The following ZC3H11A variants were observed in gnomAD, a reference collection of about 807,000 sequenced individuals.
The protein encoded by ZC3H11A is zinc finger CCCH-type containing 11A.
In ZC3H11A, 22 loss-of-function variants were observed where a neutral mutation model predicts 90.8. The observed-to-expected ratio is 0.24, with a 90% confidence interval of 0.17 to 0.35. The LOEUF is 0.35. ZC3H11A is among the 10% of genes least tolerant of loss of function. ZC3H11A has a pLI of 1.00. For missense variants in ZC3H11A, 701 were observed against 964.9 expected, an observed-to-expected ratio of 0.73 and a Z score of 3.62; for synonymous variants, 294 against 339.8, an observed-to-expected ratio of 0.87 and a Z score of 1.48.
In ZC3H11A at chr1:203,840,420, G is replaced by A. The variant is rs373393210; in HGVS notation, c.1042+46G>A. 46 of 1,569,416 alleles carry A rather than the reference G, an allele frequency of 2.9e-5. No individual in the cohort carries two copies. In the East Asian group the frequency reaches 3.6e-4, roughly 12 times the overall value. ...GATTCTGATTATTTTTTTCTTTGCT[G>A]TAAGAGCCTTTGCTTTTTCTCAGAT... On this transcript the variant is annotated intron_variant, in intron 12 of 17. Coordinates refer to ENST00000367210, the MANE Select transcript of ZC3H11A (RefSeq NM_001376342.1).
chr1:203,852,658 A>G lies in ZC3H11A; in HGVS notation c.*259A>G. ...AGTTCTGTCATACCCTTCTCTCCAC[A>G]AAAAAGAGACTGAGAGGGAGATCAA... is the stretch of plus-strand genomic sequence containing the variant. On this transcript the variant is annotated 3_prime_UTR_variant, in exon 18 of 18. Transcript: ENST00000367210. 2.1e-6 allele frequency: 1 copy of G among 476,258 alleles called. No homozygotes were observed. The highest frequency in any genetic ancestry group is 3.8e-6 in the Non-Finnish European group (1 of 265,494). 29.5% of individuals were successfully genotyped at this position (476,258 alleles called of 1,614,324 possible).
At chr1:203,799,682 C>G (rs1331901716) in intron 1 of ZC3H11A, 3 of 708,860 alleles carry the variant, frequency 4.2e-6, no homozygotes, top group Non-Finnish European at 7.7e-6. Context: ...ATCATCTACT[C>G]CTTTCCCTGC....
intron 4 of ZC3H11A, among the ~76,000 whole-genome samples, chr1:203,826,488 C>T (rs931342207): frequency 6.6e-6 from 1 of 152,052 alleles, no homozygotes; most frequent in Non-Finnish European, 1.5e-5. Context: ...AATCACCTTT[C>T]AGAGATGTGG....
At chr1:203,849,655 C>T (rs1302264706) in intron 14 of ZC3H11A, 56 bp from the exon 15 acceptor site, 26 of 1,521,896 alleles carry the variant, frequency 1.7e-5, no homozygotes, top group Non-Finnish European at 1.8e-5. Context: ...GTACTTACAT[C>T]ATACAGGTTA....
chr1:203,797,713 G>A (rs1204766869), intron 1 of ZC3H11A: 1 of 1,534,924 alleles, frequency 6.5e-7, no homozygotes, highest in East Asian at 2.4e-5. Flanking sequence ...AAAAAGAAAA[G>A]AAAGAAGGGT....
intron 4 of ZC3H11A, among the ~76,000 whole-genome samples, chr1:203,826,495 G>A (rs187135789): frequency 6.6e-6 from 1 of 152,218 alleles, no homozygotes; most frequent in Non-Finnish European, 1.5e-5. Context: ...TTTCAGAGAT[G>A]TGGAGCAAAT....
In ZC3H11A at chr1:203,852,250, A is replaced by G. The variant is rs1179006041; in HGVS notation, c.2284A>G (p.Thr762Ala). 4 of 1,613,672 alleles carry G rather than the reference A, an allele frequency of 2.5e-6. No homozygotes were observed. The highest frequency in any genetic ancestry group is 1.7e-5 in the Admixed American group (1 of 59,984). Residue 762 changes from threonine to alanine, a missense_variant, in exon 18 of 18, where the codon ACA becomes GCA. By Grantham distance (58) the Thr-to-Ala change is moderately conservative. This residue lies in a region of ZC3H11A where 91 missense variants were observed against 86.8 expected (regional missense o/e 1.05). Coordinates refer to ENST00000367210, the MANE Select transcript of ZC3H11A (RefSeq NM_001376342.1). ...MKTRRLSSAS[T>A]GKPPLSVEDD... Reference sequence around the variant, plus strand: ...AACTCGCCGACTCAGCTCTGCCTCAACAGGAAAGCCCCCACTCTCTGTGGA... The same window carrying G: ...AACTCGCCGACTCAGCTCTGCCTCAGCAGGAAAGCCCCCACTCTCTGTGGA...
At chr1:203,806,073 C>G in intron 2 of ZC3H11A, 1 of 510,348 alleles carries the variant, frequency 2.0e-6, no homozygotes, top group Non-Finnish European at 3.8e-6. Flanking sequence ...TTAAAACTCG[C>G]AAGGCTTTCT....
chr1:203,819,058 A>G (rs1249139811), intron 4 of ZC3H11A, among the ~76,000 whole-genome samples: 1 of 133,218 alleles, frequency 7.5e-6, no homozygotes, highest in Non-Finnish European at 1.6e-5. Flanking sequence ...ACAGAGCAAC[A>G]CTCCGTCTCA....
Position 203,849,938 on chromosome 1 carries a change from C to A in ZC3H11A, c.1851C>A (p.Ser617=), listed in dbSNP as rs1386340445. The change falls in exon 15 of 18, where the codon TCC becomes TCA. Residue 617 remains serine (S), a synonymous_variant. Transcript: ENST00000367210. ...CCAAGCGGCTTCCCACAAAGTCATC[C>A]CAGAAGGTGGAGGTAGAAACCTCAG... is the stretch of plus-strand genomic sequence containing the variant. ...HLTKRLPTKS[S]QKVEVETSGI... is the part of the protein sequence containing the mutation. The A allele has an allele frequency of 6.2e-7, 1 of 1,613,992 alleles. No individual in the cohort carries two copies. The highest frequency in any genetic ancestry group is 1.1e-5 in the South Asian group (1 of 91,074).
At chr1:203,818,769 C>T in intron 4 of ZC3H11A, 80 bp downstream of exon 4, 1 of 1,599,556 alleles carries the variant, frequency 6.3e-7, no homozygotes, top group Non-Finnish European at 8.5e-7. Flanking sequence ...ACAAAAGTGA[C>T]TTTTAAAAAA....
intron 10 of ZC3H11A, among the ~76,000 whole-genome samples, chr1:203,837,112 T>G (rs1448978241): frequency 6.6e-6 from 1 of 151,924 alleles, no homozygotes. Context: ...CTGGGCAACA[T>G]GGCAAACCCT....
intron 9 of ZC3H11A, 152 bp from the exon 10 acceptor site, chr1:203,833,639 T>TA (rs1295182507): frequency 2.6e-5 from 11 of 424,970 alleles, no homozygotes; most frequent in Admixed American, 4.5e-5. Context: ...TTTTTTTTGA[T>TA]ATAATGGCCT....
At chr1:203,848,149 T>C (rs1208825495) in intron 13 of ZC3H11A, among the ~76,000 whole-genome samples, 182 bp from the exon 14 acceptor site, 1 of 152,198 alleles carries the variant, frequency 6.6e-6, no homozygotes, top group African/African-American at 2.4e-5. Flanking sequence ...TGAGCCACCA[T>C]GCCCGGCCAA....
At position 203,819,063 on chromosome 1, in the gene ZC3H11A, G is replaced by A. The variant is rs557635180; in HGVS notation, c.174+374G>A. On this transcript the variant is annotated intron_variant, in intron 4 of 17. Transcript: ENST00000367210. ...CAGCCTGGTGACAGAGCAACACTCC[G>A]TCTCAAAAAAAAAAATATATATATA... Among the ~76,000 whole-genome samples the A allele has an allele frequency of 1.3e-4, 13 of 103,020 alleles. No homozygotes were observed. In the South Asian group the frequency reaches 2.1e-3, roughly 17 times the overall value. 67.6% of individuals were successfully genotyped at this position (103,020 alleles called of 152,430 possible). A position where few individuals can be genotyped will look rare whatever the true frequency, so the allele number is the denominator to read the frequency against.
chr1:203,808,972 A>G (rs760679790), intron 2 of ZC3H11A, among the ~76,000 whole-genome samples: 3 of 151,958 alleles, frequency 2.0e-5, no homozygotes, highest in Non-Finnish European at 4.4e-5. Context: ...CTGGGATTAC[A>G]GGCATTCGCC....
rs924097766 is a variant in ZC3H11A at position 203,802,432 on chromosome 1, A to ATG, written c.-720_-719dup. On this transcript the variant is annotated 5_prime_UTR_variant, in exon 2 of 18. The change abolishes the stop of an existing upstream ORF in the 5' untranslated region. Coordinates refer to ENST00000367210, the MANE Select transcript of ZC3H11A (RefSeq NM_001376342.1). ...TATATTTCTATACATTTTTGTGTAT[A>ATG]TGTGTGTGTGTATAAGCCAGTTAGT... 4 of 152,538 alleles carry ATG rather than the reference A, an allele frequency of 2.6e-5. No individual in the cohort carries two copies. In the East Asian group the frequency reaches 7.7e-4, roughly 29 times the overall value. The allele number at this position is 152,538 out of a possible 1,614,324, so 9.4% of individuals were successfully genotyped here.
At chr1:203,836,386 TCAGTC>T (rs1161284948) in intron 10 of ZC3H11A, among the ~76,000 whole-genome samples, 2 of 152,180 alleles carry the variant, frequency 1.3e-5, no homozygotes, top group Admixed American at 1.3e-4. Flanking sequence ...CAATGTAACT[TCAGTC>T]AAGTAATCTA....
At chr1:203,823,025 T>C (rs912915008) in intron 4 of ZC3H11A, among the ~76,000 whole-genome samples, 4 of 152,218 alleles carry the variant, frequency 2.6e-5, no homozygotes, top group Non-Finnish European at 5.9e-5. Context: ...GCAGCAGATA[T>C]CAAATAAATT....
Sources: gnomAD v4.1 joint callset for allele counts (sites outside exome capture counted in the v4.1 genomes callset) on GRCh38, gnomAD v4.1.1 for gene constraint, gnomAD v4.1.1 regional missense constraint, MANE v1.5 for transcripts, NCBI Gene and HGNC (gene_info 2026-07-23, HGNC 2026-07-21) for gene names.